The following OPA3 variants were observed in gnomAD, a reference collection of about 807,000 sequenced individuals.
OPA3 encodes the protein outer mitochondrial membrane lipid metabolism regulator OPA3, also known as optic atrophy 3 protein.
Under a neutral mutation model 4.0 loss-of-function variants are expected in OPA3, and 6 were observed. The ratio of observed to expected loss-of-function variants is 1.51; its 90% CI spans 0.83 to 2.99. The LOEUF (loss-of-function observed/expected upper bound fraction) is 2.99. Among genes scored for constraint, OPA3 ranks in the 30% most tolerant of loss-of-function variants. The pLI, the probability that OPA3 is intolerant of heterozygous loss-of-function variation, is 0.00. For synonymous variants in OPA3, 105 were observed against 117.1 expected (o/e 0.90, Z 0.67); for missense variants, 235 against 256.2 (o/e 0.92, Z 0.56).
At chr19:45,544,224 A>G (rs181439839), downstream of OPA3, among the ~76,000 whole-genome samples, 25 of 152,308 alleles carry the variant, frequency 1.6e-4, no homozygotes, top group African/African-American at 5.5e-4. Context: ...ATCTAAGCCT[A>G]AAAAGACTGC....
chr19:45,572,154 G>T (rs764839219), intron 1 of OPA3, among the ~76,000 whole-genome samples: 7 of 140,878 alleles, frequency 5.0e-5, no homozygotes, highest in Non-Finnish European at 9.1e-5. Flanking sequence ...TTTTAGTAGA[G>T]ACGGGGTTTC....
At position 45,548,547 on chromosome 19, in the gene OPA3, A is replaced by C. The variant is rs1969284317; in HGVS notation, c.*4967T>G. 4 of 985,470 alleles carry C rather than the reference A, an allele frequency of 4.1e-6. No homozygotes were observed. Among genetic ancestry groups the C allele is most frequent in the Non-Finnish European group, 4.8e-6 (4 of 829,960 alleles). The allele number at this position is 985,470 out of a possible 1,614,324, so 61.0% of individuals were successfully genotyped here. A position where few individuals can be genotyped will look rare whatever the true frequency, so the allele number is the denominator to read the frequency against. Reference sequence around the variant, plus strand: ...CTGGAAAAGAAATGTACGTGTGAGCATCTGTAAGACCCGGTGACGGCAGGG... The same window carrying C: ...CTGGAAAAGAAATGTACGTGTGAGCCTCTGTAAGACCCGGTGACGGCAGGG... On this transcript the variant is annotated 3_prime_UTR_variant, in exon 2 of 2. Coordinates refer to ENST00000263275, the MANE Select transcript of OPA3 (RefSeq NM_025136.4).
intron 1 of OPA3, among the ~76,000 whole-genome samples, chr19:45,540,650 G>T (rs1466880089): frequency 6.6e-5 from 10 of 151,276 alleles, no homozygotes; most frequent in African/African-American, 2.4e-4. Flanking sequence ...CGGATCACCT[G>T]AAGTCAGGTG....
chr19:45,580,584 C>T (rs963608876), intron 1 of OPA3, among the ~76,000 whole-genome samples: 8 of 151,380 alleles, frequency 5.3e-5, no homozygotes, highest in Non-Finnish European at 1.0e-4. Flanking sequence ...GGAGGCACCG[C>T]GCCCAGCACA....
intron 1 of OPA3, among the ~76,000 whole-genome samples, chr19:45,530,515 G>GT (rs150103058): frequency 0.13 from 20,092 of 150,422 alleles, 1,398 homozygotes; most frequent in South Asian, 0.24. Context: ...TGTATGTATG[G>GT]TTTTTTTTTA....
intron 1 of OPA3, among the ~76,000 whole-genome samples, chr19:45,559,153 G>A (rs963436485): frequency 2.7e-4 from 41 of 151,954 alleles, no homozygotes; most frequent in African/African-American, 9.7e-4. Flanking sequence ...CAAAGTACTG[G>A]GACTACAGGT....
intron 1 of OPA3, among the ~76,000 whole-genome samples, chr19:45,562,645 C>T (rs1430790519): frequency 4.6e-5 from 7 of 152,112 alleles, no homozygotes; most frequent in Admixed American, 1.3e-4. Context: ...GCTGAGATCG[C>T]GCCACTGCCC....
Position 45,549,414 on chromosome 19 carries a change from G to A in OPA3, c.*4100C>T. ...GCGAAGTCTCTGAGATGTGAGAGCA[G>A]CACTCCATCTGGGTCAGGACAGCGC... is the stretch of plus-strand genomic sequence containing the variant. On this transcript the variant is annotated 3_prime_UTR_variant, in exon 2 of 2. Coordinates refer to ENST00000263275, the MANE Select transcript of OPA3 (RefSeq NM_025136.4). 1 of 985,290 alleles carries A rather than the reference G, an allele frequency of 1.0e-6. No homozygotes were observed. Among genetic ancestry groups the A allele is most frequent in the Non-Finnish European group, 1.2e-6 (1 of 829,924 alleles). The allele number at this position is 985,290 out of a possible 1,614,324, so 61.0% of individuals were successfully genotyped here. A position where few individuals can be genotyped will look rare whatever the true frequency, so the allele number is the denominator to read the frequency against.
intron 1 of OPA3, among the ~76,000 whole-genome samples, chr19:45,563,142 G>A (rs1969529646): frequency 6.6e-6 from 1 of 152,038 alleles, no homozygotes; most frequent in Admixed American, 6.6e-5. Context: ...TAATCCTGCA[G>A]CATAGTGTAT....
At chr19:45,539,412 C>A (rs574590059) in intron 1 of OPA3, among the ~76,000 whole-genome samples, 1 of 152,038 alleles carries the variant, frequency 6.6e-6, no homozygotes, top group African/African-American at 2.4e-5. Context: ...GGCAACATGG[C>A]GAAACCCCTT....
chr19:45,568,116 A>G (rs897500227), intron 1 of OPA3, among the ~76,000 whole-genome samples: 7 of 152,176 alleles, frequency 4.6e-5, no homozygotes, highest in Admixed American at 2.6e-4. Context: ...CTCCAGTTTT[A>G]GCCTCCCAAA....
chr19:45,533,218 C>T (rs746458304), intron 1 of OPA3, among the ~76,000 whole-genome samples: 7 of 147,392 alleles, frequency 4.7e-5, no homozygotes, highest in African/African-American at 1.8e-4. Flanking sequence ...TTTTTTAAGG[C>T]GGAGTCTCAC....
In OPA3 at chr19:45,572,488, CGA is replaced by C. The variant is rs200932681; in HGVS notation, c.142+12133_142+12134del. Among the ~76,000 whole-genome samples the C allele has an allele frequency of 2.1e-3, 239 of 114,118 alleles. 10 individuals are homozygous for C. The East Asian group carries it at 0.048, about 23-fold the overall frequency. 74.9% of individuals were successfully genotyped at this position (114,118 alleles called of 152,430 possible). A position where few individuals can be genotyped will look rare whatever the true frequency, so the allele number is the denominator to read the frequency against. On this transcript the variant is annotated intron_variant, in intron 1 of 1. Coordinates refer to ENST00000263275, the MANE Select transcript of OPA3 (RefSeq NM_025136.4). Reference sequence around the variant, plus strand: ...TATATCATATAATAATCATATATATCGAGATATATGAGATATATATCATATAT... The same window carrying C: ...TATATCATATAATAATCATATATATCGATATATGAGATATATATCATATAT...
chr19:45,530,516 T>G (rs1055272178), intron 1 of OPA3, among the ~76,000 whole-genome samples: 5 of 113,682 alleles, frequency 4.4e-5, no homozygotes, highest in Non-Finnish European at 9.9e-5. Flanking sequence ...GTATGTATGG[T>G]TTTTTTTTAT....
At chr19:45,580,936 C>T (rs1969846337) in intron 1 of OPA3, among the ~76,000 whole-genome samples, 1 of 152,122 alleles carries the variant, frequency 6.6e-6, no homozygotes, top group African/African-American at 2.4e-5. Flanking sequence ...TTTTCTAAAC[C>T]ACAACGCTAA....
At chr19:45,529,064 C>T (rs770679537) in exon 2 of OPA3, 1 of 1,599,174 alleles carries the variant, frequency 6.3e-7, no homozygotes, top group Non-Finnish European at 8.5e-7. Flanking sequence ...TCCTATTTCT[C>T]GGACGCCGGC....
intron 1 of OPA3, among the ~76,000 whole-genome samples, chr19:45,561,070 A>C (rs1969494836): frequency 6.6e-6 from 1 of 152,210 alleles, no homozygotes; most frequent in South Asian, 2.1e-4. Context: ...GCGGTGGCTC[A>C]CGCCTGTAAT....
chr19:45,571,929 C>T (rs1296963809), intron 1 of OPA3, among the ~76,000 whole-genome samples: 1 of 151,940 alleles, frequency 6.6e-6, no homozygotes. Flanking sequence ...TTCCAGCTTC[C>T]TGGCAATTTT....
At position 45,553,045 on chromosome 19, in the gene OPA3, G is replaced by C; in HGVS notation, c.*469C>G. ...AGCTGACCTTAGAAGGTGAGGGGGA[G>C]AAAAGGCCACTGCAACACACTGCAT... On this transcript the variant is annotated 3_prime_UTR_variant, in exon 2 of 2. Coordinates refer to ENST00000263275, the MANE Select transcript of OPA3 (RefSeq NM_025136.4). 9.7e-7 allele frequency: 1 copy of C among 1,026,908 alleles called. No homozygotes were observed. Among genetic ancestry groups the C allele is most frequent in the Non-Finnish European group, 1.2e-6 (1 of 855,018 alleles). 63.6% of individuals were successfully genotyped at this position (1,026,908 alleles called of 1,614,324 possible).
Sources: gnomAD v4.1 joint callset for allele counts (sites outside exome capture counted in the v4.1 genomes callset) on GRCh38, gnomAD v4.1.1 for gene constraint, MANE v1.5 for transcripts, NCBI Gene and HGNC (gene_info 2026-07-23, HGNC 2026-07-21) for gene names.